Variants in VNN1 observed in about 807,000 individuals in gnomAD.
VNN1 encodes the protein vanin 1.
Under a neutral mutation model 41.9 loss-of-function variants are expected in VNN1, and 29 were observed. The observed-to-expected ratio is 0.69, with a 90% CI of 0.52 to 0.94. VNN1 has a LOEUF of 0.94. Among genes scored for constraint, VNN1 ranks in the 40% least tolerant of loss-of-function variants. The pLI is 0.00. For synonymous variants in VNN1, 233 were observed against 224.4 expected, an observed-to-expected ratio of 1.04 and a Z score of -0.34; for missense variants, 637 against 621.1, an observed-to-expected ratio of 1.03 and a Z score of -0.27.
chr6:132,706,457 G>A (rs568475713), intron 2 of VNN1, among the ~76,000 whole-genome samples: 7 of 152,146 alleles, frequency 4.6e-5, no homozygotes, highest in East Asian at 1.9e-4. Context: ...ACCCATATGC[G>A]GAAGAATGAA....
intron 5 of VNN1, among the ~76,000 whole-genome samples, chr6:132,685,147 C>T (rs1409788481): frequency 6.6e-6 from 1 of 152,232 alleles, no homozygotes; most frequent in Admixed American, 6.5e-5. Context: ...CTGGAAAAGT[C>T]ATATCCTCTA....
rs576375577 is a variant in VNN1, at chr6:132,685,645, G to A, written c.1189-1140C>T. 2.6e-5 allele frequency among the ~76,000 whole-genome samples: 4 copies of A among 152,270 alleles called. No homozygotes were observed. In the South Asian group the frequency reaches 8.3e-4, roughly 32 times the overall value. On this transcript the variant is annotated intron_variant, in intron 5 of 6. Transcript: ENST00000367928. ...AGGTCCTAAACTAGCAGTAGAAAGA[G>A]CCAAGAATCCCTATCTACACTGCAA... is the stretch of plus-strand genomic sequence containing the variant.
intron 5 of VNN1, among the ~76,000 whole-genome samples, chr6:132,684,821 TCATC>T (rs1433896748): frequency 2.0e-5 from 3 of 152,042 alleles, no homozygotes; most frequent in African/African-American, 7.2e-5. Context: ...TTCATTAGAG[TCATC>T]CAGTTTATCA....
At chr6:132,712,181 G>A (rs1192303085) in intron 1 of VNN1, among the ~76,000 whole-genome samples, 3 of 139,488 alleles carry the variant, frequency 2.2e-5, no homozygotes, top group East Asian at 4.1e-4. Flanking sequence ...ATGGAGTTTC[G>A]CTCTGCTGCC....
chr6:132,690,803 G>T (rs1778271623), intron 5 of VNN1, among the ~76,000 whole-genome samples: 1 of 152,172 alleles, frequency 6.6e-6, no homozygotes, highest in African/African-American at 2.4e-5. Context: ...GGGGTTCTCA[G>T]TCTCAAATAA....
chr6:132,705,446 GA>G (rs1039991237), intron 2 of VNN1, among the ~76,000 whole-genome samples: 179 of 152,212 alleles, frequency 1.2e-3, no homozygotes, highest in African/African-American at 4.2e-3. Flanking sequence ...AATTGACACT[GA>G]AAAAATATTT....
chr6:132,698,479 C>T (rs1454162727), intron 2 of VNN1, among the ~76,000 whole-genome samples: 2 of 152,226 alleles, frequency 1.3e-5, no homozygotes, highest in Non-Finnish European at 2.9e-5. Context: ...GATGTGGTTG[C>T]TATGCTTATA....
intron 2 of VNN1, among the ~76,000 whole-genome samples, chr6:132,703,648 C>T (rs1396348325): frequency 6.6e-6 from 1 of 151,848 alleles, no homozygotes; most frequent in Non-Finnish European, 1.5e-5. Context: ...GAAGACAACA[C>T]CACAAAACAA....
In VNN1 at chr6:132,693,210, T is replaced by C. The variant is rs778017629; in HGVS notation, c.640A>G (p.Ile214Val). 26 of 1,614,134 alleles carry C rather than the reference T, an allele frequency of 1.6e-5. No homozygotes were observed. Among genetic ancestry groups the C allele is most frequent in the East Asian group, 2.2e-5 (1 of 44,874 alleles). Residue 214 changes from isoleucine to valine, a missense_variant, in exon 4 of 7, where the codon ATA becomes GTA. Transcript: ENST00000367928. ...GTAACAGCAGGATCATGGAAGAGTA[T>C]ATCAAAGCATGTGAAAATGCCAAAA... ...GSFGIFTCFD[I>V]LFHDPAVTLV...
At chr6:132,696,882 A>G (rs1373752854) in intron 2 of VNN1, among the ~76,000 whole-genome samples, 1 of 151,918 alleles carries the variant, frequency 6.6e-6, no homozygotes, top group African/African-American at 2.4e-5. Context: ...GGCCAGTGGA[A>G]CACCTGAGGT....
chr6:132,683,259 G>C lies in VNN1; in HGVS notation c.1423C>G (p.Leu475Val). Residue 475 changes from leucine (L) to valine (V), a missense_variant, in exon 7 of 7, where the codon CTG becomes GTG. Coordinates refer to ENST00000367928, the MANE Select transcript of VNN1 (RefSeq NM_004666.3). ...TCCTTCTCATACAACCTCCCAAACA[G>C]AGTTACTGTTAAGACAGGTCCGGAT... is the stretch of plus-strand genomic sequence containing the variant. ...PTSGPVLTVTLFGRLYEKDWA... is the reference protein window; with the variant it reads ...PTSGPVLTVTVFGRLYEKDWA... The C allele has an allele frequency of 6.2e-7, 1 of 1,614,118 alleles. No homozygotes were observed. Among genetic ancestry groups the C allele is most frequent in the Non-Finnish European group, 8.5e-7 (1 of 1,180,022 alleles).
intron 2 of VNN1, among the ~76,000 whole-genome samples, chr6:132,710,546 C>T (rs536667832): frequency 4.5e-4 from 69 of 152,208 alleles, no homozygotes; most frequent in African/African-American, 1.5e-3. Context: ...CGACAGGCCC[C>T]GGTGTGTGAT....
At position 132,683,325 on chromosome 6, in the gene VNN1, G is replaced by C. The variant is rs1205784617; in HGVS notation, c.1360-3C>G. 2 of 1,604,372 alleles carry C rather than the reference G, an allele frequency of 1.2e-6. No homozygotes were observed. Among genetic ancestry groups the C allele is most frequent in the African/African-American group, 2.7e-5 (2 of 74,274 alleles). ...AACAAGCGTCCGTCAGTTGACACCT[G>C]ATTAAAACAAAAAAGTAGGCAAAGG... is the stretch of plus-strand genomic sequence containing the variant. On this transcript the variant is annotated splice_region_variant and splice_polypyrimidine_tract_variant and intron_variant, in intron 6 of 6. Coordinates refer to ENST00000367928, the MANE Select transcript of VNN1 (RefSeq NM_004666.3).
At chr6:132,705,550 C>T (rs1073954) in intron 2 of VNN1, among the ~76,000 whole-genome samples, 58,186 of 151,974 alleles carry the variant, frequency 0.38, 12,312 homozygotes, top group African/African-American at 0.57. Context: ...TTATGACAGA[C>T]CCATGGCTGG....
rs190340081 is a variant in VNN1 at position 132,685,149 on chromosome 6, T to C, written c.1189-644A>G. On this transcript the variant is annotated intron_variant, in intron 5 of 6. Transcript: ENST00000367928. ...CAACCCCTGTAATCTGGAAAAGTCA[T>C]ATCCTCTATACTGCGCAAGAACTGA... Among the ~76,000 whole-genome samples the C allele has an allele frequency of 3.3e-5, 5 of 152,356 alleles. No homozygotes were observed. In the East Asian group the frequency reaches 9.6e-4, roughly 29 times the overall value.
At chr6:132,697,986 T>C (rs1778396015) in intron 2 of VNN1, among the ~76,000 whole-genome samples, 1 of 152,232 alleles carries the variant, frequency 6.6e-6, no homozygotes, top group Admixed American at 6.5e-5. Flanking sequence ...ACAAACATAT[T>C]TTCCTACTGA....
chr6:132,695,016 G>T (rs1778349223), intron 2 of VNN1, among the ~76,000 whole-genome samples: 1 of 152,144 alleles, frequency 6.6e-6, no homozygotes, highest in South Asian at 2.1e-4. Context: ...GCTGGGCCTG[G>T]TGGCGTGCGC....
chr6:132,692,383 G>A lies in VNN1; in HGVS notation c.1028C>T (p.Thr343Ile), dbSNP rs1191898797. The part of the protein sequence containing the change: ...FKGTVFFDEF[T>I]FVKLTGVAGN... ...TGCAACTCCTGTGAGCTTCACAAAA[G>A]TGAATTCATCGAAAAAGACAGTGCC... The change falls in exon 5 of 7, where the codon ACT becomes ATT. Residue 343 changes from threonine (T) to isoleucine (I), a missense_variant. Physicochemically the swap from Thr to Ile is moderately conservative, Grantham distance 89. Transcript: ENST00000367928. The A allele has an allele frequency of 6.2e-7, 1 of 1,614,070 alleles. No homozygotes were observed. Among genetic ancestry groups the A allele is most frequent in the Non-Finnish European group, 8.5e-7 (1 of 1,180,044 alleles).
chr6:132,684,528 TA>T, intron 5 of VNN1, 23 bp from the exon 6 acceptor site: 2 of 1,612,694 alleles, frequency 1.2e-6, no homozygotes, highest in Non-Finnish European at 1.7e-6. Flanking sequence ...TGAAAACCAG[TA>T]AGTCATAAGA....
Sources: gnomAD v4.1 joint callset for allele counts (sites outside exome capture counted in the v4.1 genomes callset) on GRCh38, gnomAD v4.1.1 for gene constraint, MANE v1.5 for transcripts, NCBI Gene and HGNC (gene_info 2026-07-23, HGNC 2026-07-21) for gene names.